WRN: variants seen among roughly 807,000 people sequenced by gnomAD.
The protein encoded by WRN is bifunctional 3'-5' exonuclease/ATP-dependent helicase WRN.
A neutral mutation model predicts 180.7 loss-of-function variants in WRN; 149 were observed. The ratio of observed to expected loss-of-function variants is 0.82; its 90% CI spans 0.72 to 0.94. The LOEUF (loss-of-function observed/expected upper bound fraction) is 0.94, where lower values mean the gene tolerates loss of function less well. Ranked by LOEUF, WRN falls within the 40% of genes least tolerant of loss-of-function variation. WRN has a pLI of 0.00. For synonymous variants in WRN, 548 were observed against 568.9 expected (o/e 0.96, Z 0.52); for missense variants, 1,661 against 1,700.1 (o/e 0.98, Z 0.40).
chr8:31,157,235 A>G lies in WRN; in HGVS notation c.3820-133A>G, dbSNP rs1263180171. ...TTTAAAGAAATTCTGAAAATGAAAA[A>G]CTTAAGTAAAGGTTTAGTTCATTGT... On this transcript the variant is annotated intron_variant, in intron 32 of 34. Transcript: ENST00000298139. 2.3e-6 allele frequency: 3 copies of G among 1,305,348 alleles called. No homozygotes were observed. In the South Asian group the frequency reaches 4.0e-5, roughly 17 times the overall value. 80.9% of individuals were successfully genotyped at this position (1,305,348 alleles called of 1,614,324 possible).
rs1002063315 is a variant in WRN at position 31,167,890 on chromosome 8, C to T, written c.4191+660C>T. ...TGAAAATTTGACCTTCGGTATCTTC[C>T]GGGTCTAAAATTATATGACTCCATT... On this transcript the variant is annotated intron_variant, in intron 34 of 34. Coordinates refer to ENST00000298139, the MANE Select transcript of WRN (RefSeq NM_000553.6). Among the ~76,000 whole-genome samples the T allele has an allele frequency of 1.8e-4, 27 of 151,976 alleles. No homozygotes were observed. The East Asian group carries it at 3.1e-3, about 17-fold the overall frequency.
At chr8:31,089,090 G>A in intron 13 of WRN, 125 bp downstream of exon 13, 1 of 743,928 alleles carries the variant, frequency 1.3e-6, no homozygotes, top group Non-Finnish European at 2.3e-6. Flanking sequence ...ATGCCACACT[G>A]TATTTTCTGT....
chr8:31,088,063 T>C, intron 12 of WRN, 143 bp downstream of exon 12: 1 of 1,433,968 alleles, frequency 7.0e-7, no homozygotes, highest in South Asian at 1.3e-5. Flanking sequence ...TTTTGTCTCC[T>C]TAGTGCTTTT....
At chr8:31,072,243 C>T (rs1812940081) in intron 7 of WRN, among the ~76,000 whole-genome samples, 1 of 152,178 alleles carries the variant, frequency 6.6e-6, no homozygotes, top group African/African-American at 2.4e-5. Flanking sequence ...GTTTTAAATT[C>T]TGCTGAGAGT....
chr8:31,097,816 A>G (rs924124733), intron 17 of WRN, among the ~76,000 whole-genome samples: 1 of 152,092 alleles, frequency 6.6e-6, no homozygotes, highest in Non-Finnish European at 1.5e-5. Flanking sequence ...GTTAGGCTTA[A>G]CTATCCAAGA....
At chr8:31,048,039 C>A (rs557182237) in intron 1 of WRN, among the ~76,000 whole-genome samples, 51 of 152,238 alleles carry the variant, frequency 3.4e-4, no homozygotes, top group African/African-American at 1.1e-3. Flanking sequence ...TGTTTGATTC[C>A]ATTTACAGTT....
Position 31,174,878 on chromosome 8 carries a change from TTCTTTC to T in WRN, c.*1780_*1785del, listed in dbSNP as rs551716983. ...TTTCTTTTTCTTTCTCTTTCTTTCT[TTCTTTC>T]TCTCTCTCTCTCTCTTTCTTTCTTT... On this transcript the variant is annotated 3_prime_UTR_variant, in exon 35 of 35. Coordinates refer to ENST00000298139, the MANE Select transcript of WRN (RefSeq NM_000553.6). Among the ~76,000 whole-genome samples, 407 of 142,186 alleles carry T rather than the reference TTCTTTC, an allele frequency of 2.9e-3. 3 individuals carry two copies. Among genetic ancestry groups the T allele is most frequent in the African/African-American group, 0.01 (387 of 38,432 alleles). 93.3% of individuals were successfully genotyped at this position (142,186 alleles called of 152,430 possible).
intron 30 of WRN, 141 bp from the exon 31 acceptor site, chr8:31,150,200 C>A: frequency 1.4e-6 from 1 of 718,238 alleles, no homozygotes; most frequent in Non-Finnish European, 2.5e-6. Context: ...TTGTATTATA[C>A]GTTGTTTTTG....
At chr8:31,109,440 C>A (rs1585468639) in intron 18 of WRN, among the ~76,000 whole-genome samples, 2 of 152,120 alleles carry the variant, frequency 1.3e-5, no homozygotes, top group East Asian at 3.9e-4. Flanking sequence ...TTTCTGGTAG[C>A]AAGATGGGAA....
Position 31,080,975 on chromosome 8 carries a change from CTTA to C in WRN, c.953_955del (p.Leu318del), listed in dbSNP as rs771474603. 2 of 1,613,814 alleles carry C rather than the reference CTTA, an allele frequency of 1.2e-6. No homozygotes were observed. Among genetic ancestry groups the C allele is most frequent in the Admixed American group, 1.7e-5 (1 of 60,012 alleles). On this transcript the variant is annotated inframe_deletion, in exon 9 of 35. Transcript: ENST00000298139. ...AACTGAGGCCCAGCAATAATTTAAA[CTTA>C]TTATCCTTTGAAGATTCAACTACTG...
At chr8:31,048,886 A>G (rs1340175400) in intron 1 of WRN, among the ~76,000 whole-genome samples, 1 of 152,138 alleles carries the variant, frequency 6.6e-6, no homozygotes, top group Non-Finnish European at 1.5e-5. Context: ...TATCCTTGAA[A>G]TCTCTTTTTT....
At chr8:31,098,978 C>T (rs1038476926) in intron 17 of WRN, among the ~76,000 whole-genome samples, 4 of 150,950 alleles carry the variant, frequency 2.6e-5, no homozygotes, top group East Asian at 3.9e-4. Flanking sequence ...CCCAGGAGTT[C>T]GAGACCAGCC....
intron 24 of WRN, among the ~76,000 whole-genome samples, chr8:31,133,600 G>T (rs752169340): frequency 6.6e-6 from 1 of 151,952 alleles, no homozygotes; most frequent in Non-Finnish European, 1.5e-5. Context: ...GAAAACTTCT[G>T]TTGATTTTTC....
At chr8:31,090,197 G>C (rs982361876) in intron 13 of WRN, among the ~76,000 whole-genome samples, 1 of 149,910 alleles carries the variant, frequency 6.7e-6, no homozygotes, top group Non-Finnish European at 1.5e-5. Flanking sequence ...GATTCTTTTG[G>C]ATATCTAGTA....
At chr8:31,057,401 G>A (rs1422736830) in intron 1 of WRN, among the ~76,000 whole-genome samples, 1 of 151,824 alleles carries the variant, frequency 6.6e-6, no homozygotes, top group South Asian at 2.1e-4. Flanking sequence ...AAACCCCGTC[G>A]CTACTAAAAC....
chr8:31,078,444 C>T (rs1049686607), intron 8 of WRN, among the ~76,000 whole-genome samples: 5 of 152,056 alleles, frequency 3.3e-5, no homozygotes, highest in Non-Finnish European at 7.4e-5. Flanking sequence ...ACATTTTGTT[C>T]ATAGATCCAG....
chr8:31,147,200 T>C, intron 29 of WRN, 72 bp downstream of exon 29: 2 of 1,542,166 alleles, frequency 1.3e-6, no homozygotes, highest in Non-Finnish European at 1.8e-6. Flanking sequence ...TAAAATTCTG[T>C]ATTTTGCCAG....
rs1272452345 is a variant in WRN at position 31,143,052 on chromosome 8, C to CACACACACACACACACAT, written c.3309+354_3309+355insCACACACACACACATACA. 8.9e-3 allele frequency among the ~76,000 whole-genome samples: 585 copies of CACACACACACACACACAT among 65,430 alleles called. 1 individual carries two copies. Among genetic ancestry groups the CACACACACACACACACAT allele is most frequent in the African/African-American group, 9.2e-3 (178 of 19,284 alleles). The allele number at this position is 65,430 out of a possible 152,430, so 42.9% of individuals were successfully genotyped here. A position where few individuals can be genotyped will look rare whatever the true frequency, so the allele number is the denominator to read the frequency against. On this transcript the variant is annotated intron_variant, in intron 27 of 34. Transcript: ENST00000298139. ...ACACACACACACACACACACACACA[C>CACACACACACACACACAT]ACATTCTCTCTCTCTCTCTCTCACA...
chr8:31,053,901 GCTTA>G (rs1185931852), intron 1 of WRN, among the ~76,000 whole-genome samples: 1 of 152,128 alleles, frequency 6.6e-6, no homozygotes, highest in Non-Finnish European at 1.5e-5. Flanking sequence ...TTTACTCAAA[GCTTA>G]CTTAAATCAT....
Sources: allele counts gnomAD v4.1 joint callset (sites outside exome capture counted in the v4.1 genomes callset), GRCh38; gene constraint gnomAD v4.1.1; transcripts MANE v1.5; gene names NCBI Gene and HGNC (gene_info 2026-07-23, HGNC 2026-07-21).